The following GRM3 variants were observed in gnomAD, a reference collection of about 807,000 sequenced individuals.
GRM3 encodes glutamate metabotropic receptor 3.
GRM3 carries 26 observed loss-of-function variants against 70.5 expected under a neutral mutation model. The observed-to-expected ratio is 0.37, with a 90% CI of 0.27 to 0.51. The LOEUF is 0.51. GRM3 is among the 20% of genes least tolerant of loss of function. The probability of loss-of-function intolerance (pLI) is 0.93; values close to 1 mark genes in which losing one functional copy is unlikely to be tolerated. For synonymous variants in GRM3, 443 were observed against 434.9 expected (o/e 1.02, Z -0.23); for missense variants, 859 against 1,123.8 (o/e 0.76, Z 3.37).
intron 2 of GRM3, among the ~76,000 whole-genome samples, chr7:86,774,248 T>C (rs986516208): frequency 8.5e-5 from 13 of 152,232 alleles, no homozygotes; most frequent in Middle Eastern, 3.4e-3. Flanking sequence ...TGAAGGTCCA[T>C]GGATTTAATG....
In GRM3 at chr7:86,670,765, G is replaced by C. The variant is rs533664803; in HGVS notation, c.-141+25893G>C. On this transcript the variant is annotated intron_variant, in intron 1 of 5. Transcript: ENST00000361669. ...TCATAGTTGCCAATTTATTATTCAG[G>C]CTTTTAAGTTCCTTCACTGGGTGGC... 1.9e-4 allele frequency among the ~76,000 whole-genome samples: 29 copies of C among 152,110 alleles called. 1 individual carries two copies. Among genetic ancestry groups the C allele is most frequent in the Admixed American group, 1.7e-3 (26 of 15,278 alleles).
intron 1 of GRM3, among the ~76,000 whole-genome samples, chr7:86,734,508 A>C (rs952625818): frequency 2.0e-5 from 3 of 152,226 alleles, no homozygotes; most frequent in Non-Finnish European, 4.4e-5. Flanking sequence ...ATAAGCCATT[A>C]ATCTATTCAG....
At chr7:86,694,511 C>CAAAAAAAAAAAAAAAA (rs1226119828) in intron 1 of GRM3, among the ~76,000 whole-genome samples, 1 of 37,768 alleles carries the variant, frequency 2.6e-5, no homozygotes, top group African/African-American at 9.7e-5. Flanking sequence ...GACTCTGTCT[C>CAAAAAAAAAAAAAAAA]AAAAAAAAAA....
intron 1 of GRM3, among the ~76,000 whole-genome samples, chr7:86,739,396 G>A (rs967464253): frequency 1.3e-5 from 2 of 152,030 alleles, no homozygotes; most frequent in Non-Finnish European, 2.9e-5. Context: ...TTCTACTCTC[G>A]CTTCTGTGAA....
rs778836772 is a variant in GRM3 at position 86,864,364 on chromosome 7, T to C, written c.*9T>C. The C allele has an allele frequency of 6.2e-7, 1 of 1,602,466 alleles. No homozygotes were observed. The highest frequency in any genetic ancestry group is 8.6e-7 in the Non-Finnish European group (1 of 1,169,486). Reference sequence around the variant, plus strand: ...CCACCTCATCTCTGTGATTGTGAATTGCAGTTCAGTTCTTGTGTTTTTAGA... The same window carrying C: ...CCACCTCATCTCTGTGATTGTGAATCGCAGTTCAGTTCTTGTGTTTTTAGA... On this transcript the variant is annotated 3_prime_UTR_variant, in exon 6 of 6. Transcript: ENST00000361669.
intron 4 of GRM3, among the ~76,000 whole-genome samples, chr7:86,840,911 CAG>C (rs1393362112): frequency 6.6e-6 from 1 of 152,044 alleles, no homozygotes; most frequent in Non-Finnish European, 1.5e-5. Context: ...AAAAAGAAGA[CAG>C]AGTAGATACA....
At chr7:86,657,498 G>T (rs1426465467) in intron 1 of GRM3, among the ~76,000 whole-genome samples, 2 of 152,206 alleles carry the variant, frequency 1.3e-5, no homozygotes, top group Non-Finnish European at 2.9e-5. Context: ...ATGTGGGATT[G>T]AATTGTGGAG....
At chr7:86,656,291 A>AGTCTTGC (rs563694125) in intron 1 of GRM3, among the ~76,000 whole-genome samples, 67 of 120,788 alleles carry the variant, frequency 5.5e-4, no homozygotes, top group Non-Finnish European at 9.1e-4. Flanking sequence ...TTTGAGACAG[A>AGTCTTGC]GTCTTGCTGT....
intron 1 of GRM3, among the ~76,000 whole-genome samples, chr7:86,669,853 G>T (rs1408891703): frequency 6.6e-6 from 1 of 152,174 alleles, no homozygotes; most frequent in South Asian, 2.1e-4. Context: ...TCTCAACTTA[G>T]TCTCACAATC....
chr7:86,806,100 A>T (rs1797785807), intron 3 of GRM3, among the ~76,000 whole-genome samples: 1 of 152,206 alleles, frequency 6.6e-6, no homozygotes, highest in African/African-American at 2.4e-5. Context: ...ATGGCTACAT[A>T]GTATTCCATG....
Position 86,656,746 on chromosome 7 carries a change from G to A in GRM3, c.-141+11874G>A, listed in dbSNP as rs138918566. 6.5e-3 allele frequency among the ~76,000 whole-genome samples: 996 copies of A among 152,152 alleles called. 17 individuals are homozygous for A. The highest frequency in any genetic ancestry group is 0.023 in the African/African-American group (935 of 41,500). ...ATATTTACTCATTGAATGTATGAGT[G>A]TAATAATACAGCTTAAGTTTAAAAA... On this transcript the variant is annotated intron_variant, in intron 1 of 5. Transcript: ENST00000361669.
rs543289086 is a variant in GRM3 at position 86,661,254 on chromosome 7, A to G, written c.-141+16382A>G. Among the ~76,000 whole-genome samples, 59 of 152,126 alleles carry G rather than the reference A, an allele frequency of 3.9e-4. 1 individual carries two copies. Among genetic ancestry groups the G allele is most frequent in the Admixed American group, 2.0e-3 (30 of 15,236 alleles). ...TTGAAAGAAAAATATGATGCAATGT[A>G]TGACACAATCATGATTATTTAGGGA... On this transcript the variant is annotated intron_variant, in intron 1 of 5. Coordinates refer to ENST00000361669, the MANE Select transcript of GRM3 (RefSeq NM_000840.3).
At chr7:86,678,961 T>C (rs1429541857) in intron 1 of GRM3, among the ~76,000 whole-genome samples, 1 of 152,130 alleles carries the variant, frequency 6.6e-6, no homozygotes, top group Non-Finnish European at 1.5e-5. Context: ...GTTTTTGTGA[T>C]TTCACATAGC....
chr7:86,850,676 A>C (rs1798739820), intron 5 of GRM3, 132 bp downstream of exon 5: 1 of 679,328 alleles, frequency 1.5e-6, no homozygotes, highest in African/African-American at 1.8e-5. Flanking sequence ...GGATTTAAAC[A>C]CTGTGAGTCA....
At chr7:86,814,772 A>G (rs1377565369) in intron 3 of GRM3, among the ~76,000 whole-genome samples, 5 of 151,040 alleles carry the variant, frequency 3.3e-5, no homozygotes, top group Non-Finnish European at 7.4e-5. Flanking sequence ...TATAATTGCA[A>G]TTTGATTGCT....
chr7:86,783,588 T>G (rs1205389954), intron 2 of GRM3, among the ~76,000 whole-genome samples: 1 of 152,166 alleles, frequency 6.6e-6, no homozygotes, highest in Non-Finnish European at 1.5e-5. Context: ...ACACATTTTT[T>G]AAATGAATAA....
intron 1 of GRM3, among the ~76,000 whole-genome samples, chr7:86,755,991 T>C (rs991400192): frequency 6.6e-6 from 1 of 152,192 alleles, no homozygotes; most frequent in Non-Finnish European, 1.5e-5. Context: ...TTTGGTATTG[T>C]TCATTCCTTC....
At chr7:86,793,042 T>A (rs1192925564) in intron 3 of GRM3, among the ~76,000 whole-genome samples, 1 of 131,928 alleles carries the variant, frequency 7.6e-6, no homozygotes, top group African/African-American at 3.0e-5. Flanking sequence ...TTTTTTTTGC[T>A]ACCAGTGAAG....
Position 86,742,290 on chromosome 7 carries a change from G to C in GRM3, c.-140-22716G>C, listed in dbSNP as rs1199188342. On this transcript the variant is annotated intron_variant, in intron 1 of 5. Transcript: ENST00000361669. ...TGCTTTTGACAACCTGGGGTCACTA[G>C]TTCACATTCAGCTGGCACTTCTACT... Among the ~76,000 whole-genome samples, 7 of 152,154 alleles carry C rather than the reference G, an allele frequency of 4.6e-5. 1 individual carries two copies. The highest frequency in any genetic ancestry group is 9.7e-5 in the African/African-American group (4 of 41,436).
Sources: gnomAD v4.1 joint callset for allele counts (sites outside exome capture counted in the v4.1 genomes callset) on GRCh38, gnomAD v4.1.1 for gene constraint, MANE v1.5 for transcripts, NCBI Gene and HGNC (gene_info 2026-07-23, HGNC 2026-07-21) for gene names.